Variants in NYAP2 observed in about 807,000 individuals in gnomAD.
The protein encoded by NYAP2 is neuronal tyrosine-phosphorylated phosphoinositide-3-kinase adapter 2.
In NYAP2, 23 loss-of-function variants were observed where a neutral mutation model predicts 50.4. The observed-to-expected ratio is 0.46, with a 90% CI of 0.33 to 0.65. NYAP2 has a LOEUF of 0.65. Among genes scored for constraint, NYAP2 ranks in the 30% least tolerant of loss-of-function variants. The pLI is 0.02. For missense variants in NYAP2, 885 were observed against 861.0 expected (o/e 1.03, Z -0.35); for synonymous variants, 394 against 365.2 (o/e 1.08, Z -0.90).
intron 3 of NYAP2, among the ~76,000 whole-genome samples, chr2:225,442,259 G>T (rs950372158): frequency 6.6e-6 from 1 of 152,096 alleles, no homozygotes; most frequent in Admixed American, 6.6e-5. Flanking sequence ...GAAAAAACTG[G>T]CAGGTCCTGT....
chr2:225,626,892 G>T (rs1388977225), intron 5 of NYAP2, 25 bp from the exon 6 acceptor site: 1 of 1,506,980 alleles, frequency 6.6e-7, no homozygotes, highest in South Asian at 1.2e-5. Context: ...TTGTTTAACA[G>T]AATGTAATTC....
At chr2:225,552,189 C>G (rs1001201858) in intron 4 of NYAP2, among the ~76,000 whole-genome samples, 1 of 152,094 alleles carries the variant, frequency 6.6e-6, no homozygotes, top group African/African-American at 2.4e-5. Flanking sequence ...CCAAAATTCC[C>G]TCAGATTTTC....
At chr2:225,506,223 C>T (rs1690702531) in intron 3 of NYAP2, among the ~76,000 whole-genome samples, 1 of 152,048 alleles carries the variant, frequency 6.6e-6, no homozygotes, top group Admixed American at 6.6e-5. Context: ...CTTTGTAAAA[C>T]AAATGTGTGT....
chr2:225,430,200 C>T (rs917784961), intron 3 of NYAP2, among the ~76,000 whole-genome samples: 2 of 152,118 alleles, frequency 1.3e-5, no homozygotes, highest in Non-Finnish European at 2.9e-5. Flanking sequence ...TCAAAATAAT[C>T]CTTTCTATTG....
At chr2:225,546,684 T>A (rs571310112) in intron 4 of NYAP2, among the ~76,000 whole-genome samples, 1 of 152,248 alleles carries the variant, frequency 6.6e-6, no homozygotes, top group Admixed American at 6.5e-5. Context: ...TCTGCCCAAC[T>A]GTGGCCAAGC....
At chr2:225,506,819 A>T (rs994508903) in intron 3 of NYAP2, among the ~76,000 whole-genome samples, 1 of 152,112 alleles carries the variant, frequency 6.6e-6, no homozygotes, top group Non-Finnish European at 1.5e-5. Flanking sequence ...CCTCTTCTTT[A>T]CAGCTGTAAC....
chr2:225,661,553 G>A, the NYAP2 span, among the ~76,000 whole-genome samples: 4 of 152,048 alleles, frequency 2.6e-5, no homozygotes, highest in African/African-American at 7.3e-5. Context: ...TATTATACCC[G>A]TTTCACTGAT....
intron 3 of NYAP2, among the ~76,000 whole-genome samples, chr2:225,461,360 T>C (rs1689828978): frequency 1.3e-5 from 2 of 152,254 alleles, no homozygotes; most frequent in Admixed American, 1.3e-4. Context: ...TCTTTTCTCA[T>C]TGTGCAATCT....
At chr2:225,650,857 C>T (rs1693718135) in intron 6 of NYAP2, among the ~76,000 whole-genome samples, 1 of 152,046 alleles carries the variant, frequency 6.6e-6, no homozygotes, top group Non-Finnish European at 1.5e-5. Context: ...ATTTGGGCTC[C>T]TCAAATTAGA....
At chr2:225,398,004 A>T (rs139407684), upstream of NYAP2, among the ~76,000 whole-genome samples, 2 of 152,024 alleles carry the variant, frequency 1.3e-5, no homozygotes, top group African/African-American at 4.8e-5. Flanking sequence ...AAGACCATCT[A>T]TTGTTATAAA....
At chr2:225,636,819 A>G (rs536576380) in intron 6 of NYAP2, among the ~76,000 whole-genome samples, 2 of 152,320 alleles carry the variant, frequency 1.3e-5, no homozygotes, top group East Asian at 3.9e-4. Flanking sequence ...ATGATGAAGT[A>G]CAATAGAGGA....
chr2:225,571,371 G>A (rs1234331368), intron 4 of NYAP2, among the ~76,000 whole-genome samples: 1 of 152,226 alleles, frequency 6.6e-6, no homozygotes, highest in African/African-American at 2.4e-5. Context: ...CATAGCAGAG[G>A]TTCTCCATGA....
chr2:225,565,170 G>A (rs1447110451), intron 4 of NYAP2, among the ~76,000 whole-genome samples: 2 of 151,682 alleles, frequency 1.3e-5, no homozygotes, highest in East Asian at 3.9e-4. Flanking sequence ...TTAATCTGTT[G>A]AATTTTCTAT....
intron 6 of NYAP2, among the ~76,000 whole-genome samples, chr2:225,641,331 A>G (rs1693525918): frequency 1.3e-5 from 2 of 151,970 alleles, no homozygotes; most frequent in Admixed American, 1.3e-4. Flanking sequence ...TACAAAGACT[A>G]GTTCTGGAAG....
downstream of NYAP2, among the ~76,000 whole-genome samples, chr2:225,657,102 CTTTTTTTTTT>C (rs375126014): frequency 1.5e-4 from 15 of 101,072 alleles, no homozygotes; most frequent in East Asian, 1.1e-3. Flanking sequence ...AATCTAATTC[CTTTTTTTTTT>C]TTTTTTTTTT....
chr2:225,636,924 G>C (rs1012655036), intron 6 of NYAP2, among the ~76,000 whole-genome samples: 1 of 152,132 alleles, frequency 6.6e-6, no homozygotes, highest in Non-Finnish European at 1.5e-5. Flanking sequence ...GCCAGGCTGA[G>C]ACCAGAAAAA....
At chr2:225,558,473 A>T (rs997819123) in intron 4 of NYAP2, among the ~76,000 whole-genome samples, 1 of 152,136 alleles carries the variant, frequency 6.6e-6, no homozygotes, top group Non-Finnish European at 1.5e-5. Context: ...CCATCTTTAA[A>T]GCCCAGCAGC....
At chr2:225,609,468 A>G (rs1692842912) in intron 5 of NYAP2, among the ~76,000 whole-genome samples, 2 of 152,144 alleles carry the variant, frequency 1.3e-5, no homozygotes, top group South Asian at 4.1e-4. Flanking sequence ...TTTTCGTAGG[A>G]CAAACTCAAG....
chr2:225,686,948 C>A, the NYAP2 span, among the ~76,000 whole-genome samples: 1 of 152,192 alleles, frequency 6.6e-6, no homozygotes, highest in Non-Finnish European at 1.5e-5. Flanking sequence ...GCAAACTTAA[C>A]AGCCTTTGTT....
Sources: gnomAD v4.1 joint callset for allele counts (sites outside exome capture counted in the v4.1 genomes callset) on GRCh38, gnomAD v4.1.1 for gene constraint, MANE v1.5 for transcripts, NCBI Gene and HGNC (gene_info 2026-07-23, HGNC 2026-07-21) for gene names.